Variants in SLC25A21 observed in about 807,000 individuals in gnomAD.
SLC25A21 encodes the protein mitochondrial 2-oxodicarboxylate carrier.
SLC25A21 carries 47 observed loss-of-function variants against 43.8 expected under a neutral mutation model. The observed-to-expected ratio is 1.07, with a 90% CI of 0.85 to 1.37. SLC25A21 has a LOEUF of 1.37. Among genes scored for constraint, SLC25A21 ranks in the 40% most tolerant of loss-of-function variants. SLC25A21 has a pLI of 0.00. For synonymous variants in SLC25A21, 131 were observed against 121.3 expected (o/e 1.08, Z -0.52); for missense variants, 352 against 350.2 (o/e 1.00, Z -0.04).
chr14:36,760,331 A>AGAAGGAAG (rs57996006), intron 3 of SLC25A21, among the ~76,000 whole-genome samples: 14,535 of 136,440 alleles, frequency 0.11, 896 homozygotes, highest in Non-Finnish European at 0.12. Flanking sequence ...GCAGCTAGGC[A>AGAAGGAAG]GAAGGAAGGA....
chr14:37,171,984 G>C (rs556334681), intron 1 of SLC25A21: 10 of 421,676 alleles, frequency 2.4e-5, no homozygotes, highest in South Asian at 6.8e-5. Flanking sequence ...CCGCCTCAAA[G>C]TCGCTGCCCT....
intron 1 of SLC25A21, among the ~76,000 whole-genome samples, chr14:36,937,189 C>T (rs79410703): frequency 1.3e-5 from 2 of 152,312 alleles, no homozygotes; most frequent in East Asian, 1.9e-4. Flanking sequence ...GCTGAAGGCA[C>T]GTTGCCCCAC....
chr14:36,853,058 G>C (rs1240386480), intron 2 of SLC25A21, among the ~76,000 whole-genome samples: 2 of 152,112 alleles, frequency 1.3e-5, no homozygotes, highest in African/African-American at 2.4e-5. Flanking sequence ...CTATAAGCTT[G>C]TCTCAGTAGC....
chr14:37,041,535 G>A (rs1038070792), intron 1 of SLC25A21, among the ~76,000 whole-genome samples: 3 of 152,022 alleles, frequency 2.0e-5, no homozygotes, highest in African/African-American at 7.2e-5. Context: ...GAAGTACCTG[G>A]GCATGACTTA....
intron 1 of SLC25A21, among the ~76,000 whole-genome samples, chr14:36,913,365 T>C (rs767987734): frequency 1.3e-5 from 2 of 152,206 alleles, no homozygotes; most frequent in Admixed American, 1.3e-4. Context: ...CATGGGTCAC[T>C]GCAACCTCCG....
At chr14:37,109,500 T>C (rs956127259) in intron 1 of SLC25A21, among the ~76,000 whole-genome samples, 2 of 152,198 alleles carry the variant, frequency 1.3e-5, no homozygotes, top group Non-Finnish European at 2.9e-5. Flanking sequence ...TTTGTTTTGT[T>C]AGTCATGAGA....
chr14:36,846,558 T>A (rs538873561), intron 2 of SLC25A21, among the ~76,000 whole-genome samples: 1 of 152,176 alleles, frequency 6.6e-6, no homozygotes, highest in Non-Finnish European at 1.5e-5. Flanking sequence ...ATTTTTGTAT[T>A]TTTAGTAGAG....
In SLC25A21 at chr14:37,117,611, C is replaced by A. The variant is rs182326245; in HGVS notation, c.70+54670G>T. 1.8e-3 allele frequency among the ~76,000 whole-genome samples: 277 copies of A among 152,208 alleles called. 1 individual carries two copies. Among genetic ancestry groups the A allele is most frequent in the African/African-American group, 6.6e-3 (274 of 41,536 alleles). ...CATATACTAGAGTACGTTTTTCACT[C>A]TCCACATGGGAATACAAAGAGGGAG... On this transcript the variant is annotated intron_variant, in intron 1 of 9. Coordinates refer to ENST00000331299, the MANE Select transcript of SLC25A21 (RefSeq NM_030631.4).
chr14:37,036,313 C>A (rs1961325056), intron 1 of SLC25A21, among the ~76,000 whole-genome samples: 2 of 152,112 alleles, frequency 1.3e-5, no homozygotes, highest in African/African-American at 4.8e-5. Flanking sequence ...AGGTTCAAGC[C>A]AATTCTTCCC....
chr14:37,118,290 G>C lies in SLC25A21; in HGVS notation c.70+53991C>G, dbSNP rs546250835. Among the ~76,000 whole-genome samples, 12 of 151,982 alleles carry C rather than the reference G, an allele frequency of 7.9e-5. No individual in the cohort carries two copies. The South Asian group carries it at 2.1e-3, about 26-fold the overall frequency. ...CCACCCAGATCCACCAACAAGTCCT[G>C]TGGCCCCACCTAGAAGCAGACTCAG... On this transcript the variant is annotated intron_variant, in intron 1 of 9. Coordinates refer to ENST00000331299, the MANE Select transcript of SLC25A21 (RefSeq NM_030631.4).
At chr14:36,683,714 G>T (rs2072858141) in intron 9 of SLC25A21, 114 bp downstream of exon 9, 1 of 670,274 alleles carries the variant, frequency 1.5e-6, no homozygotes, top group African/African-American at 1.8e-5. Flanking sequence ...TATTCTCAAG[G>T]TTTCTGTCTT....
Position 36,697,001 on chromosome 14 carries a change from T to C in SLC25A21, c.604-12076A>G, listed in dbSNP as rs559298381. ...TCTCTCGTTCTTTTAATTGTGATGT[T>C]AGGGTGTCGATTTTAGATCTTTCCT... On this transcript the variant is annotated intron_variant, in intron 7 of 9. Transcript: ENST00000331299. 2.0e-4 allele frequency among the ~76,000 whole-genome samples: 30 copies of C among 152,354 alleles called. No individual in the cohort carries two copies. In the South Asian group the frequency reaches 4.6e-3, roughly 23 times the overall value.
intron 1 of SLC25A21, among the ~76,000 whole-genome samples, chr14:37,087,570 G>A (rs1962508955): frequency 6.6e-6 from 1 of 152,102 alleles, no homozygotes; most frequent in Non-Finnish European, 1.5e-5. Context: ...ATAAGTAGAT[G>A]CTATTTATTT....
intron 2 of SLC25A21, among the ~76,000 whole-genome samples, chr14:36,869,038 G>A (rs1279795541): frequency 6.6e-6 from 1 of 152,150 alleles, no homozygotes; most frequent in Non-Finnish European, 1.5e-5. Context: ...CTTCAGCCTG[G>A]GGTGGTGGTG....
chr14:36,746,828 A>C (rs1594547949), intron 3 of SLC25A21, among the ~76,000 whole-genome samples: 1 of 152,078 alleles, frequency 6.6e-6, no homozygotes, highest in Non-Finnish European at 1.5e-5. Flanking sequence ...CTAGGATCCT[A>C]TTGTCCAAAA....
chr14:37,065,714 A>G (rs1962046266), intron 1 of SLC25A21, among the ~76,000 whole-genome samples: 1 of 152,178 alleles, frequency 6.6e-6, no homozygotes, highest in South Asian at 2.1e-4. Flanking sequence ...AATTTACATC[A>G]CTTAAAGAAG....
chr14:36,910,039 C>T (rs7148534), intron 1 of SLC25A21, among the ~76,000 whole-genome samples: 4,139 of 152,180 alleles, frequency 0.027, 183 homozygotes, highest in African/African-American at 0.092. Context: ...GGGATATAAG[C>T]GCTACTCTCA....
At chr14:37,049,024 A>C (rs1961649218) in intron 1 of SLC25A21, among the ~76,000 whole-genome samples, 1 of 152,128 alleles carries the variant, frequency 6.6e-6, no homozygotes, top group Non-Finnish European at 1.5e-5. Flanking sequence ...TCCTGCTCCC[A>C]CCCAAAACCT....
intron 1 of SLC25A21, among the ~76,000 whole-genome samples, chr14:36,959,303 T>C (rs1247712732): frequency 6.6e-6 from 1 of 152,330 alleles, no homozygotes; most frequent in Non-Finnish European, 1.5e-5. Flanking sequence ...TCCCCATTAA[T>C]TTTTATCTGA....
Sources: gnomAD v4.1 joint callset for allele counts (sites outside exome capture counted in the v4.1 genomes callset) on GRCh38, gnomAD v4.1.1 for gene constraint, MANE v1.5 for transcripts, NCBI Gene and HGNC (gene_info 2026-07-23, HGNC 2026-07-21) for gene names.